WDR75: variants seen among roughly 807,000 people sequenced by gnomAD.
WDR75 encodes WD repeat-containing protein 75.
WDR75 carries 52 observed loss-of-function variants against 106.1 expected under a neutral mutation model. That is an observed-to-expected ratio of 0.49 (90% CI 0.39 to 0.62). The LOEUF (loss-of-function observed/expected upper bound fraction) is 0.62, where lower values mean the gene tolerates loss of function less well. Ranked by LOEUF, WDR75 falls within the 20% of genes least tolerant of loss-of-function variation. The pLI is 0.00. For synonymous variants in WDR75, 333 were observed against 335.5 expected (o/e 0.99, Z 0.08); for missense variants, 905 against 970.3 (o/e 0.93, Z 0.89).
chr2:189,465,670 T>C (rs1019514637), intron 12 of WDR75, among the ~76,000 whole-genome samples: 14 of 152,144 alleles, frequency 9.2e-5, no homozygotes, highest in African/African-American at 3.4e-4. Flanking sequence ...GTGGCTATAA[T>C]AACCACTTAA....
At chr2:189,472,548 T>G (rs576740702) in intron 18 of WDR75, among the ~76,000 whole-genome samples, 2 of 152,148 alleles carry the variant, frequency 1.3e-5, no homozygotes, top group African/African-American at 4.8e-5. Context: ...TTTTTTCTTT[T>G]TCATGGTCTG....
chr2:189,445,769 ATTC>A (rs1686486560), intron 1 of WDR75, among the ~76,000 whole-genome samples: 1 of 152,220 alleles, frequency 6.6e-6, no homozygotes, highest in Non-Finnish European at 1.5e-5. Context: ...GAACTCTGTA[ATTC>A]TTCTGTAAAT....
At chr2:189,461,836 T>C (rs980870590) in intron 8 of WDR75, among the ~76,000 whole-genome samples, 24 of 152,210 alleles carry the variant, frequency 1.6e-4, no homozygotes, top group Non-Finnish European at 3.1e-4. Context: ...GTTTAACTTT[T>C]AGTGTGGTGT....
intron 2 of WDR75, chr2:189,448,720 A>G (rs1686552864): frequency 1.0e-5 from 7 of 669,546 alleles, no homozygotes; most frequent in Non-Finnish European, 1.9e-5. Flanking sequence ...ATTACCTGAG[A>G]AGGATATTCT....
chr2:189,443,223 G>A (rs1276747190), intron 1 of WDR75, among the ~76,000 whole-genome samples: 1 of 152,214 alleles, frequency 6.6e-6, no homozygotes, highest in Non-Finnish European at 1.5e-5. Context: ...AACTAAGAAG[G>A]ACGGAGAAGA....
chr2:189,470,116 T>G lies in WDR75; in HGVS notation c.1860T>G (p.Ile620Met), dbSNP rs1687088033. 2.5e-6 allele frequency: 4 copies of G among 1,613,442 alleles called. No homozygotes were observed. The highest frequency in any genetic ancestry group is 2.2e-5 in the East Asian group (1 of 44,858). ...CTAGTGAGCCAAGGCCATTGTATATTCAAAAGGGTATCTCCAGAGAGAAAG... is the reference window on the plus strand; with the variant it reads ...CTAGTGAGCCAAGGCCATTGTATATGCAAAAGGGTATCTCCAGAGAGAAAG... The part of the protein sequence containing the change: ...FKPSEPRPLY[I>M]QKGISREKVQ... The change falls in exon 17 of 21, where the codon ATT becomes ATG. Residue 620 changes from isoleucine to methionine, a missense_variant. By Grantham distance (10) the Ile-to-Met change is conservative. Coordinates refer to ENST00000314761, the MANE Select transcript of WDR75 (RefSeq NM_032168.3).
At chr2:189,463,270 ATAAAAACT>A (rs1279099841) in intron 9 of WDR75, among the ~76,000 whole-genome samples, 5 of 152,278 alleles carry the variant, frequency 3.3e-5, no homozygotes, top group East Asian at 3.9e-4. Context: ...GGCACAACTG[ATAAAAACT>A]TAAAGACTCC....
chr2:189,464,079 T>C lies in WDR75; in HGVS notation c.1113+118T>C, dbSNP rs538430707. 121 of 833,096 alleles carry C rather than the reference T, an allele frequency of 1.5e-4. No homozygotes were observed. The African/African-American group carries it at 1.9e-3, about 13-fold the overall frequency. 51.6% of individuals were successfully genotyped at this position (833,096 alleles called of 1,614,324 possible). A position where few individuals can be genotyped will look rare whatever the true frequency, so the allele number is the denominator to read the frequency against. ...TCCTGTGCATATGTTTACTTGAACA[T>C]AGTATTATCCGTGGTTACTTAGTTC... On this transcript the variant is annotated intron_variant, in intron 11 of 20. Coordinates refer to ENST00000314761, the MANE Select transcript of WDR75 (RefSeq NM_032168.3).
chr2:189,467,314 T>G (rs1687023459), intron 13 of WDR75, among the ~76,000 whole-genome samples, 154 bp from the exon 14 acceptor site: 1 of 152,194 alleles, frequency 6.6e-6, no homozygotes, highest in Non-Finnish European at 1.5e-5. Flanking sequence ...AATATCTTTT[T>G]GTACTGTACA....
At chr2:189,452,687 A>C (rs1211788670) in intron 4 of WDR75, among the ~76,000 whole-genome samples, 1 of 152,216 alleles carries the variant, frequency 6.6e-6, no homozygotes, top group Non-Finnish European at 1.5e-5. Context: ...AATTCCTAGA[A>C]TATTGTCAGT....
chr2:189,461,254 C>T (rs1686875669), intron 8 of WDR75, among the ~76,000 whole-genome samples: 1 of 152,160 alleles, frequency 6.6e-6, no homozygotes, highest in Non-Finnish European at 1.5e-5. Flanking sequence ...CAGTCTGAAA[C>T]AGTGTCCTAT....
Position 189,474,343 on chromosome 2 carries a change from A to G in WDR75, c.2196+11A>G, listed in dbSNP as rs1207523036. ...CCCGCAATTAGTGAGGTAAGTAATT[A>G]TGAAAACCATGTGAAACAGATTAAA... On this transcript the variant is annotated intron_variant, in intron 19 of 20. Transcript: ENST00000314761. 9 of 1,601,396 alleles carry G rather than the reference A, an allele frequency of 5.6e-6. No homozygotes were observed. Among genetic ancestry groups the G allele is most frequent in the Non-Finnish European group, 6.8e-6 (8 of 1,176,366 alleles).
chr2:189,460,720 G>GA (rs1686862289), intron 8 of WDR75, among the ~76,000 whole-genome samples: 2 of 151,880 alleles, frequency 1.3e-5, no homozygotes, highest in Non-Finnish European at 2.9e-5. Flanking sequence ...TGCCAGGCTG[G>GA]TCTCAAACTC....
rs542070265 is a variant in WDR75, at chr2:189,466,282, G to A, written c.1290-143G>A. ...GCGTCCTGTGGCCATTAGAGGTAGAGCACTCAATTGTTTGTCATTCTACGT... is the reference window on the plus strand; with the variant it reads ...GCGTCCTGTGGCCATTAGAGGTAGAACACTCAATTGTTTGTCATTCTACGT... On this transcript the variant is annotated intron_variant, in intron 12 of 20. Transcript: ENST00000314761. 5.1e-5 allele frequency: 44 copies of A among 870,968 alleles called. No homozygotes were observed. The African/African-American group carries it at 6.4e-4, about 13-fold the overall frequency. The allele number at this position is 870,968 out of a possible 1,614,324, so 54.0% of individuals were successfully genotyped here.
rs1686565147 is a variant in WDR75 at position 189,449,226 on chromosome 2, T to C, written c.216+718T>C. 3.8e-6 allele frequency: 5 copies of C among 1,298,972 alleles called. No individual in the cohort carries two copies. In the East Asian group the frequency reaches 2.2e-4, roughly 58 times the overall value. The allele number at this position is 1,298,972 out of a possible 1,614,324, so 80.5% of individuals were successfully genotyped here. On this transcript the variant is annotated intron_variant, in intron 2 of 20. Coordinates refer to ENST00000314761, the MANE Select transcript of WDR75 (RefSeq NM_032168.3). ...GTTCTTGCTCTTATTTTTAATCCAATTCCATTTTCCTGGATTAGTCACAGC... is the reference window on the plus strand; with the variant it reads ...GTTCTTGCTCTTATTTTTAATCCAACTCCATTTTCCTGGATTAGTCACAGC...
Position 189,475,265 on chromosome 2 carries a change from G to A in WDR75, c.2341G>A (p.Asp781Asn). 6.2e-7 allele frequency: 1 copy of A among 1,613,162 alleles called. No individual in the cohort carries two copies. The highest frequency in any genetic ancestry group is 8.5e-7 in the Non-Finnish European group (1 of 1,179,540). Residue 781 changes from aspartate (D) to asparagine (N), a missense_variant, in exon 21 of 21, where the codon GAT (aspartate) becomes AAT (asparagine). Coordinates refer to ENST00000314761, the MANE Select transcript of WDR75 (RefSeq NM_032168.3). Reference protein sequence around the residue: ...VDMEEEKESEDSDEENDFTEK... With the variant: ...VDMEEEKESENSDEENDFTEK... Reference sequence around the variant, plus strand: ...TATGGAAGAAGAAAAAGAAAGTGAAGATTCAGATGAAGAAAATGATTTTAC... The same window carrying A: ...TATGGAAGAAGAAAAAGAAAGTGAAAATTCAGATGAAGAAAATGATTTTAC...
At position 189,475,385 on chromosome 2, in the gene WDR75, A is replaced by C. The variant is rs1687193365; in HGVS notation, c.2461A>C (p.Lys821Gln). 6.2e-7 allele frequency: 1 copy of C among 1,611,678 alleles called. No individual in the cohort carries two copies. Among genetic ancestry groups the C allele is most frequent in the Non-Finnish European group, 8.5e-7 (1 of 1,179,004 alleles). The change falls in exon 21 of 21, where the codon AAA (lysine) becomes CAA (glutamine). Residue 821 changes from lysine to glutamine, a missense_variant. Coordinates refer to ENST00000314761, the MANE Select transcript of WDR75 (RefSeq NM_032168.3). ...AGAAAAAGAACTGAGAAAATTTAGGAAAATAGACTACAGCTGGATAGCTGC... is the reference window on the plus strand; with the variant it reads ...AGAAAAAGAACTGAGAAAATTTAGGCAAATAGACTACAGCTGGATAGCTGC... ...SEEKELRKFR[K>Q]IDYSWIAAL
chr2:189,451,993 A>C, intron 4 of WDR75, 98 bp downstream of exon 4: 1 of 894,898 alleles, frequency 1.1e-6, no homozygotes, highest in Non-Finnish European at 1.7e-6. Flanking sequence ...TGAAGCCAAC[A>C]GTTTTTAGAA....
Position 189,462,608 on chromosome 2 carries a change from A to C in WDR75, c.903A>C (p.Ala301=). ...TTGAACATATCTCAGTCTCGCCTGC[A>C]GGAGATTTATTCTGCACTTCTCACT... The part of the protein sequence containing the change: ...ATIEHISVSP[A]GDLFCTSHSD... The change falls in exon 9 of 21, where the codon GCA becomes GCC. Residue 301 remains alanine (A), a synonymous_variant. Coordinates refer to ENST00000314761, the MANE Select transcript of WDR75 (RefSeq NM_032168.3). 1.2e-6 allele frequency: 2 copies of C among 1,614,040 alleles called. No homozygotes were observed. The highest frequency in any genetic ancestry group is 1.7e-6 in the Non-Finnish European group (2 of 1,179,942).
Sources: allele counts gnomAD v4.1 joint callset (sites outside exome capture counted in the v4.1 genomes callset), GRCh38; gene constraint gnomAD v4.1.1; transcripts MANE v1.5; gene names NCBI Gene and HGNC (gene_info 2026-07-23, HGNC 2026-07-21).